CCT3: variants seen among roughly 807,000 people sequenced by gnomAD.
The protein encoded by CCT3 is chaperonin containing TCP1 subunit 3.
Under a neutral mutation model 65.3 loss-of-function variants are expected in CCT3, and 10 were observed. That is an observed-to-expected ratio of 0.15 (90% confidence interval 0.09 to 0.26). The LOEUF (loss-of-function observed/expected upper bound fraction) is 0.26. CCT3 is among the 10% of genes least tolerant of loss of function. The probability of loss-of-function intolerance (pLI) is 1.00; values close to 1 mark genes in which losing one functional copy is unlikely to be tolerated. For synonymous variants in CCT3, 225 were observed against 242.3 expected, an observed-to-expected ratio of 0.93 and a Z score of 0.66; for missense variants, 626 against 708.7, an observed-to-expected ratio of 0.88 and a Z score of 1.33.
In CCT3 at chr1:156,334,685, AAAAAACAAAACC is replaced by A; in HGVS notation, c.207+16_207+27del. On this transcript the variant is annotated intron_variant, in intron 4 of 13. Coordinates refer to ENST00000295688, the MANE Select transcript of CCT3 (RefSeq NM_005998.5). ...ATGTTTACAGAACTGTCAGAAAGCA[AAAAAACAAAACC>A]AAAAACAAAACACACCTCTCGAAGA... 7 of 1,609,956 alleles carry A rather than the reference AAAAAACAAAACC, an allele frequency of 4.3e-6. No homozygotes were observed. Among genetic ancestry groups the A allele is most frequent in the African/African-American group, 1.3e-5 (1 of 74,802 alleles).
intron 6 of CCT3, among the ~76,000 whole-genome samples, chr1:156,323,755 G>C (rs370108786): frequency 2.0e-5 from 3 of 148,566 alleles, no homozygotes; most frequent in African/African-American, 7.5e-5. Context: ...GTGAGCCACC[G>C]CACCCAGCCC....
Position 156,312,030 on chromosome 1 carries a change from G to A in CCT3, c.1155+11C>T, listed in dbSNP as rs1282368079. The A allele has an allele frequency of 1.9e-6, 3 of 1,604,268 alleles. No individual in the cohort carries two copies. Among genetic ancestry groups the A allele is most frequent in the African/African-American group, 1.3e-5 (1 of 74,152 alleles). On this transcript the variant is annotated intron_variant, in intron 11 of 13. Transcript: ENST00000295688. Reference sequence around the variant, plus strand: ...CTACTTCATCTGGTCATACATCCAAGGCTGACTCACCGAGAGAATCTCTTT... The same window carrying A: ...CTACTTCATCTGGTCATACATCCAAAGCTGACTCACCGAGAGAATCTCTTT...
chr1:156,312,284 T>C, intron 10 of CCT3, 63 bp from the exon 11 acceptor site: 1 of 1,473,526 alleles, frequency 6.8e-7, no homozygotes, highest in Non-Finnish European at 9.3e-7. Flanking sequence ...ATTTCCCTAG[T>C]CTCTAGGGTC....
At position 156,338,240 on chromosome 1, in the gene CCT3, G is replaced by GGA. The variant is rs139949895; in HGVS notation, c.-58_-57dup. On this transcript the variant is annotated 5_prime_UTR_variant, in exon 1 of 14. Coordinates refer to ENST00000295688, the MANE Select transcript of CCT3 (RefSeq NM_005998.5). ...GCTGGGGGAACCGGCAGAACCTTCT[G>GGA]GAGAGAGAGAACCAGACAGAAGCCC... 6.5e-7 allele frequency: 1 copy of GGA among 1,540,822 alleles called. No individual in the cohort carries two copies. Among genetic ancestry groups the GGA allele is most frequent in the East Asian group, 2.3e-5 (1 of 42,782 alleles).
chr1:156,320,884 A>G lies in CCT3; in HGVS notation c.564T>C (p.Asn188=), dbSNP rs561330040. Residue 188 remains asparagine, a synonymous_variant, in exon 7 of 14, where the codon AAT becomes AAC. Transcript: ENST00000295688. ...DAVKMVQFEE[N]GRKEIDIKKY... ...TTTTTATGTCAATCTCTTTCCGACC[A>G]TTCTCCTCAAACTGTACCATCTTGA... 7.1e-5 allele frequency: 115 copies of G among 1,613,550 alleles called. 2 individuals carry two copies. The Middle Eastern group carries it at 9.9e-4, about 14-fold the overall frequency.
At chr1:156,325,597 A>C (rs1207736610) in intron 5 of CCT3, among the ~76,000 whole-genome samples, 2 of 129,936 alleles carry the variant, frequency 1.5e-5, no homozygotes, top group African/African-American at 5.6e-5. Context: ...TTTTTTTTTG[A>C]GAAGCAGTCT....
chr1:156,322,939 T>A (rs1441513181), intron 6 of CCT3, among the ~76,000 whole-genome samples: 3 of 152,120 alleles, frequency 2.0e-5, no homozygotes, highest in Non-Finnish European at 4.4e-5. Flanking sequence ...GCTTACTGCA[T>A]AAAAATAATT....
intron 13 of CCT3, 63 bp from the exon 14 acceptor site, chr1:156,309,366 TTAG>T: frequency 9.2e-7 from 1 of 1,089,464 alleles, no homozygotes; most frequent in Non-Finnish European, 1.4e-6. Flanking sequence ...TTTCTTTCCT[TTAG>T]ATCTATCACC....
intron 7 of CCT3, 143 bp downstream of exon 7, chr1:156,320,696 A>T: frequency 3.1e-6 from 2 of 642,426 alleles, no homozygotes; most frequent in Non-Finnish European, 5.4e-6. Context: ...CTGTGCCACT[A>T]TACTCCAGCC....
At chr1:156,320,353 A>G (rs1260177325) in intron 7 of CCT3, among the ~76,000 whole-genome samples, 1 of 152,208 alleles carries the variant, frequency 6.6e-6, no homozygotes, top group Non-Finnish European at 1.5e-5. Context: ...GGCTACAGTG[A>G]GCCGAGATCG....
At chr1:156,337,033 G>A in intron 1 of CCT3, 4 of 1,259,592 alleles carry the variant, frequency 3.2e-6, no homozygotes, top group South Asian at 2.5e-5. Flanking sequence ...GGCTAGCCAG[G>A]CTCTGCAGAT....
At chr1:156,310,894 A>G (rs1375091506) in intron 12 of CCT3, 56 bp downstream of exon 12, 3 of 1,580,388 alleles carry the variant, frequency 1.9e-6, no homozygotes, top group South Asian at 1.2e-5. Flanking sequence ...TCTTCCCCTC[A>G]GGGCAAACAC....
At chr1:156,312,308 A>G in intron 10 of CCT3, 87 bp from the exon 11 acceptor site, 1 of 1,256,616 alleles carries the variant, frequency 8.0e-7, no homozygotes, top group South Asian at 1.5e-5. Flanking sequence ...AGCTAGGGAT[A>G]AGGGCAAAAG....
intron 6 of CCT3, among the ~76,000 whole-genome samples, chr1:156,322,555 T>C (rs1664602210): frequency 6.6e-6 from 1 of 150,690 alleles, no homozygotes; most frequent in Admixed American, 6.6e-5. Context: ...TATTACTTGA[T>C]TAAAAAAAAA....
chr1:156,310,996 A>G lies in CCT3; in HGVS notation c.1355T>C (p.Ile452Thr), dbSNP rs766263159. The G allele has an allele frequency of 3.1e-6, 5 of 1,614,176 alleles. No individual in the cohort carries two copies. The South Asian group carries it at 5.5e-5, about 18-fold the overall frequency. Reference sequence around the variant, plus strand: ...GATGGTGCTGGCCCCACAGTTCTGGATCAGGGTACGAGGAATGACCTCTAG... The same window carrying G: ...GATGGTGCTGGCCCCACAGTTCTGGGTCAGGGTACGAGGAATGACCTCTAG... ...QALEVIPRTL[I>T]QNCGASTIRL... The change falls in exon 12 of 14, where the codon ATC (isoleucine) becomes ACC (threonine). Residue 452 changes from isoleucine to threonine, a missense_variant. Coordinates refer to ENST00000295688, the MANE Select transcript of CCT3 (RefSeq NM_005998.5).
chr1:156,319,115 GTTTT>G lies in CCT3; in HGVS notation c.610-102_610-99del, dbSNP rs371602601. The G allele has an allele frequency of 1.4e-4, 106 of 778,484 alleles. 1 individual carries two copies. The highest frequency in any genetic ancestry group is 1.1e-3 in the Admixed American group (31 of 29,422). 48.2% of individuals were successfully genotyped at this position (778,484 alleles called of 1,614,324 possible). Reference sequence around the variant, plus strand: ...CTTTCCCAAACAGCTAGTGTTTCAGGTTTTTTTTTTTTTTTGAGATGGAGTCTCG... The same window carrying G: ...CTTTCCCAAACAGCTAGTGTTTCAGGTTTTTTTTTTTGAGATGGAGTCTCG... On this transcript the variant is annotated intron_variant, in intron 7 of 13. Coordinates refer to ENST00000295688, the MANE Select transcript of CCT3 (RefSeq NM_005998.5).
At chr1:156,335,398 TC>T in intron 2 of CCT3, 1 of 181,314 alleles carries the variant, frequency 5.5e-6, no homozygotes. Context: ...AGTATTTCTT[TC>T]CATGACGGTG....
intron 5 of CCT3, among the ~76,000 whole-genome samples, chr1:156,325,450 C>T (rs1664758784): frequency 1.3e-5 from 2 of 152,040 alleles, no homozygotes; most frequent in South Asian, 4.1e-4. Context: ...ATCACTTGAG[C>T]CCAGGAGGTT....
Position 156,311,142 on chromosome 1 carries a change from C to T in CCT3, c.1209G>A (p.Leu403=). 1 of 1,614,080 alleles carries T rather than the reference C, an allele frequency of 6.2e-7. No individual in the cohort carries two copies. The highest frequency in any genetic ancestry group is 8.5e-7 in the Non-Finnish European group (1 of 1,179,998). The change falls in exon 12 of 14, where the codon CTG becomes CTA. Residue 403 remains leucine, a synonymous_variant. Coordinates refer to ENST00000295688, the MANE Select transcript of CCT3 (RefSeq NM_005998.5). ...CACCCCCTGGCACCAGCTGAGGGTC[C>T]AGGAGAACATTGCGACACACTTGCA... ...DAMQVCRNVL[L]DPQLVPGGGA... is the part of the protein sequence containing the mutation.
Sources: gnomAD v4.1 joint callset for allele counts (sites outside exome capture counted in the v4.1 genomes callset) on GRCh38, gnomAD v4.1.1 for gene constraint, MANE v1.5 for transcripts, NCBI Gene and HGNC (gene_info 2026-07-23, HGNC 2026-07-21) for gene names.